TFDP2: variants seen among roughly 807,000 people sequenced by gnomAD.
TFDP2 encodes the protein transcription factor Dp-2.
In TFDP2, 17 loss-of-function variants were observed where a neutral mutation model predicts 59.3. That is an observed-to-expected ratio of 0.29 (90% CI 0.20 to 0.43). The LOEUF (loss-of-function observed/expected upper bound fraction) is 0.43. Ranked by LOEUF, TFDP2 falls within the 20% of genes least tolerant of loss-of-function variation. The pLI is 1.00. For synonymous variants in TFDP2, 180 were observed against 194.7 expected (o/e 0.92, Z 0.63); for missense variants, 391 against 528.8 (o/e 0.74, Z 2.56).
At chr3:142,125,805 T>A (rs1313253386) in intron 1 of TFDP2, among the ~76,000 whole-genome samples, 1 of 152,234 alleles carries the variant, frequency 6.6e-6, no homozygotes, top group Non-Finnish European at 1.5e-5. Flanking sequence ...TTTTTATTAA[T>A]TCTTACAAAA....
At position 142,101,899 on chromosome 3, in the gene TFDP2, G is replaced by A. The variant is rs1014578598; in HGVS notation, c.-92-58C>T. ...AATAATAATAATAGGCAACATTTAT[G>A]TCATATTTACTATGTGACATGCATT... On this transcript the variant is annotated intron_variant, in intron 1 of 12. Transcript: ENST00000489671. 1.3e-4 allele frequency: 59 copies of A among 457,896 alleles called. 1 individual carries two copies. In the Middle Eastern group the frequency reaches 1.8e-3, roughly 14 times the overall value. 28.4% of individuals were successfully genotyped at this position (457,896 alleles called of 1,614,324 possible).
intron 1 of TFDP2, among the ~76,000 whole-genome samples, chr3:142,146,667 C>A (rs1336012121): frequency 1.3e-5 from 2 of 152,142 alleles, no homozygotes; most frequent in Admixed American, 6.6e-5. Flanking sequence ...ACTTAGTCTT[C>A]TATACTAGTT....
intron 9 of TFDP2, among the ~76,000 whole-genome samples, chr3:141,968,337 A>C (rs959686397): frequency 0.029 from 3,494 of 119,572 alleles, 241 homozygotes; most frequent in Non-Finnish European, 0.047. Flanking sequence ...TAATATATAT[A>C]ATATATAACT....
chr3:142,053,498 G>A (rs1481817194), intron 3 of TFDP2, among the ~76,000 whole-genome samples: 1 of 152,176 alleles, frequency 6.6e-6, no homozygotes, highest in East Asian at 1.9e-4. Context: ...GCAGAACCAT[G>A]AGCCAAAATA....
At chr3:141,961,244 T>G (rs1419037382) in intron 10 of TFDP2, among the ~76,000 whole-genome samples, 2 of 142,060 alleles carry the variant, frequency 1.4e-5, no homozygotes, top group Non-Finnish European at 3.1e-5. Flanking sequence ...GTTGTTTTTT[T>G]TTTTTTTTTT....
At chr3:142,058,459 T>C (rs551897110) in intron 3 of TFDP2, among the ~76,000 whole-genome samples, 40 of 152,084 alleles carry the variant, frequency 2.6e-4, no homozygotes, top group Non-Finnish European at 4.6e-4. Flanking sequence ...GTCAGTCCCA[T>C]AAGACTGCCT....
rs1159876698 is a variant in TFDP2 at position 142,011,972 on chromosome 3, A to G, written c.83-6428T>C. Among the ~76,000 whole-genome samples, 3 of 151,746 alleles carry G rather than the reference A, an allele frequency of 2.0e-5. No homozygotes were observed. The East Asian group carries it at 5.8e-4, about 29-fold the overall frequency. On this transcript the variant is annotated intron_variant, in intron 3 of 12. Transcript: ENST00000489671. ...TGTTAGAATACAAAATTCTACATAA[A>G]TGCTTTAAAAATAATTCTACACTTT...
At position 141,946,485 on chromosome 3, in the gene TFDP2, T is replaced by C. The variant is rs1255663417; in HGVS notation, c.*6028A>G. ...CATTATAAATGAGCACTTTCTCCTA[T>C]CTCAGCACCCTGGTGAATGGGTGTC... is the stretch of plus-strand genomic sequence containing the variant. On this transcript the variant is annotated 3_prime_UTR_variant, in exon 13 of 13. Coordinates refer to ENST00000489671, the MANE Select transcript of TFDP2 (RefSeq NM_001178139.2). 1.3e-5 allele frequency: 2 copies of C among 152,244 alleles called. No individual in the cohort carries two copies. Among genetic ancestry groups the C allele is most frequent in the African/African-American group, 4.8e-5 (2 of 41,460 alleles). 9.4% of individuals were successfully genotyped at this position (152,244 alleles called of 1,614,324 possible).
chr3:142,046,505 G>A (rs1436588500), intron 3 of TFDP2, among the ~76,000 whole-genome samples: 2 of 152,132 alleles, frequency 1.3e-5, no homozygotes, highest in East Asian at 3.9e-4. Context: ...TGGTCACTAA[G>A]GGAAGTACAG....
intron 1 of TFDP2, among the ~76,000 whole-genome samples, chr3:142,144,150 G>C (rs1357109921): frequency 6.6e-6 from 1 of 152,186 alleles, no homozygotes; most frequent in African/African-American, 2.4e-5. Context: ...AAGAGAGGTG[G>C]ATTGCTTGAG....
chr3:141,990,050 C>G lies in TFDP2; in HGVS notation c.356+3488G>C, dbSNP rs72990238. On this transcript the variant is annotated intron_variant, in intron 6 of 12. Transcript: ENST00000489671. Reference sequence around the variant, plus strand: ...CTGGGATTACAGGCATGTGCCACCACGCTTGACTAATTTTTGTATTTTCAG... The same window carrying G: ...CTGGGATTACAGGCATGTGCCACCAGGCTTGACTAATTTTTGTATTTTCAG... Among the ~76,000 whole-genome samples the G allele has an allele frequency of 8.4e-3, 1,265 of 151,226 alleles. 19 individuals are homozygous for G. The highest frequency in any genetic ancestry group is 0.029 in the African/African-American group (1,183 of 41,228).
chr3:142,041,112 A>G, intron 3 of TFDP2, among the ~76,000 whole-genome samples: 1 of 152,318 alleles, frequency 6.6e-6, no homozygotes, highest in South Asian at 2.1e-4. Context: ...TCAATCCTAA[A>G]GGAAGTTCTG....
In TFDP2 at chr3:141,949,697, T is replaced by C. The variant is rs1935712967; in HGVS notation, c.*2816A>G. On this transcript the variant is annotated 3_prime_UTR_variant, in exon 13 of 13. Coordinates refer to ENST00000489671, the MANE Select transcript of TFDP2 (RefSeq NM_001178139.2). ...CTCAAGGGGAAAAGGCCTCTTGAAC[T>C]CCCCACAATCAGTGTGTGCCAGCAG... 6.6e-6 allele frequency: 1 copy of C among 151,360 alleles called. No homozygotes were observed. The highest frequency in any genetic ancestry group is 2.4e-5 in the African/African-American group (1 of 41,030). The allele number at this position is 151,360 out of a possible 1,614,324, so 9.4% of individuals were successfully genotyped here.
intron 1 of TFDP2, among the ~76,000 whole-genome samples, chr3:142,127,588 G>A (rs1048095439): frequency 2.6e-5 from 4 of 151,706 alleles, no homozygotes; most frequent in African/African-American, 7.3e-5. Context: ...TGCCCACCTC[G>A]GCCTCCCAAA....
chr3:141,967,454 G>T (rs1444497903), intron 9 of TFDP2, among the ~76,000 whole-genome samples: 1 of 151,098 alleles, frequency 6.6e-6, no homozygotes. Context: ...CACCATGCCT[G>T]GCTAATTTTT....
At chr3:142,074,225 A>C (rs2060360604) in intron 3 of TFDP2, among the ~76,000 whole-genome samples, 1 of 151,736 alleles carries the variant, frequency 6.6e-6, no homozygotes, top group South Asian at 2.1e-4. Flanking sequence ...ACTGGCCAAC[A>C]TGGTAAAACC....
chr3:142,026,034 C>T (rs545317779), intron 3 of TFDP2, among the ~76,000 whole-genome samples: 2 of 152,236 alleles, frequency 1.3e-5, no homozygotes, highest in East Asian at 1.9e-4. Context: ...ATCTTCTGGC[C>T]GGCGCAGTGG....
At chr3:141,973,113 A>AT (rs1378909792) in intron 8 of TFDP2, among the ~76,000 whole-genome samples, 3 of 107,008 alleles carry the variant, frequency 2.8e-5, no homozygotes, top group Non-Finnish European at 1.9e-5. Context: ...ATATATATAT[A>AT]TATATATATA....
intron 4 of TFDP2, among the ~76,000 whole-genome samples, chr3:141,998,843 A>C (rs1943516938): frequency 6.6e-6 from 1 of 152,154 alleles, no homozygotes; most frequent in Non-Finnish European, 1.5e-5. Context: ...TCCTGCCCTC[A>C]ATCAACATAT....
Sources: gnomAD v4.1 joint callset for allele counts (sites outside exome capture counted in the v4.1 genomes callset) on GRCh38, gnomAD v4.1.1 for gene constraint, MANE v1.5 for transcripts, NCBI Gene and HGNC (gene_info 2026-07-23, HGNC 2026-07-21) for gene names.